TMOD3: variants seen among roughly 807,000 people sequenced by gnomAD.
The protein encoded by TMOD3 is tropomodulin-3.
A neutral mutation model predicts 39.2 loss-of-function variants in TMOD3; 20 were observed. The ratio of observed to expected loss-of-function variants is 0.51; its 90% CI spans 0.36 to 0.74. The LOEUF is 0.74. Among genes scored for constraint, TMOD3 ranks in the 30% least tolerant of loss-of-function variants. TMOD3 has a pLI of 0.00. For missense variants in TMOD3, 381 were observed against 412.8 expected, an observed-to-expected ratio of 0.92 and a Z score of 0.67; for synonymous variants, 143 against 145.8, an observed-to-expected ratio of 0.98 and a Z score of 0.14.
In TMOD3 at chr15:51,895,365, A is replaced by G. The variant is rs535488422; in HGVS notation, c.628-1054A>G. 5.3e-5 allele frequency among the ~76,000 whole-genome samples: 8 copies of G among 151,992 alleles called. No individual in the cohort carries two copies. In the South Asian group the frequency reaches 1.7e-3, roughly 32 times the overall value. ...CTCCTGAATACCTGGGATTACAGGC[A>G]TCCACCACCACACCTGGCTAATTTT... On this transcript the variant is annotated intron_variant, in intron 6 of 9. Coordinates refer to ENST00000308580, the MANE Select transcript of TMOD3 (RefSeq NM_014547.5).
At chr15:51,888,450 A>T (rs1336050005) in intron 4 of TMOD3, among the ~76,000 whole-genome samples, 1 of 152,246 alleles carries the variant, frequency 6.6e-6, no homozygotes, top group Non-Finnish European at 1.5e-5. Flanking sequence ...TAAACAGTAC[A>T]TTCACCAGAG....
chr15:51,874,489 TGAAA>T (rs751550038), intron 3 of TMOD3, among the ~76,000 whole-genome samples: 6 of 152,224 alleles, frequency 3.9e-5, no homozygotes, highest in East Asian at 1.9e-4. Flanking sequence ...AGCACAGGAG[TGAAA>T]GAGAGTATTC....
At chr15:51,861,247 A>G (rs191743616) in intron 1 of TMOD3, 30 of 407,804 alleles carry the variant, frequency 7.4e-5, no homozygotes, top group African/African-American at 5.4e-4. Context: ...AGCTGTTCCA[A>G]TTCAGGGAGC....
At chr15:51,891,078 G>A (rs1373619424) in intron 5 of TMOD3, among the ~76,000 whole-genome samples, 13 of 151,738 alleles carry the variant, frequency 8.6e-5, no homozygotes, top group Admixed American at 6.6e-4. Context: ...AAAAATTAAC[G>A]GTATTTTCTT....
chr15:51,885,674 T>C (rs557366809), intron 3 of TMOD3, among the ~76,000 whole-genome samples: 1 of 152,268 alleles, frequency 6.6e-6, no homozygotes, highest in South Asian at 2.1e-4. Context: ...AAATGGAGTC[T>C]CCTATGTCCA....
At chr15:51,845,682 A>T (rs956974730) in intron 1 of TMOD3, among the ~76,000 whole-genome samples, 1 of 152,138 alleles carries the variant, frequency 6.6e-6, no homozygotes, top group Non-Finnish European at 1.5e-5. Context: ...GCTTGAGCCC[A>T]GAAGGTCGAG....
At chr15:51,831,315 A>G (rs2056253803) in intron 1 of TMOD3, among the ~76,000 whole-genome samples, 2 of 152,244 alleles carry the variant, frequency 1.3e-5, no homozygotes, top group African/African-American at 4.8e-5. Flanking sequence ...GGTACAGGTC[A>G]AATCCCATTC....
intron 1 of TMOD3, 69 bp from the exon 2 acceptor site, chr15:51,862,742 C>T (rs895453079): frequency 1.1e-5 from 7 of 651,462 alleles, no homozygotes; most frequent in Non-Finnish European, 1.4e-5. Context: ...TTCACTTAAC[C>T]TGAGAATTAG....
chr15:51,905,950 CAAAAAAAAAAAAAAAA>C lies in TMOD3; in HGVS notation c.1025-2811_1025-2796del, dbSNP rs869172248. ...TGGGCAACAGAGCGAGACTCCGTCT[CAAAAAAAAAAAAAAAA>C]AAAAAAAAAAAAAAGAAATTGGACC... On this transcript the variant is annotated intron_variant, in intron 9 of 9. Transcript: ENST00000308580. 1.2e-3 allele frequency among the ~76,000 whole-genome samples: 75 copies of C among 64,750 alleles called. 1 individual carries two copies. The highest frequency in any genetic ancestry group is 5.7e-3 in the Admixed American group (26 of 4,540). The allele number at this position is 64,750 out of a possible 152,430, so 42.5% of individuals were successfully genotyped here.
chr15:51,875,888 G>T (rs1002619399), intron 3 of TMOD3, among the ~76,000 whole-genome samples: 2 of 152,070 alleles, frequency 1.3e-5, no homozygotes, highest in African/African-American at 4.8e-5. Flanking sequence ...AAAGTGCTGG[G>T]ATTACAGGTG....
intron 2 of TMOD3, among the ~76,000 whole-genome samples, chr15:51,868,763 G>A (rs2056460172): frequency 6.6e-6 from 1 of 152,190 alleles, no homozygotes; most frequent in African/African-American, 2.4e-5. Context: ...TCTGAAGTCA[G>A]GAATTCTAGA....
chr15:51,862,413 A>G (rs1355461329), intron 1 of TMOD3, among the ~76,000 whole-genome samples: 1 of 152,210 alleles, frequency 6.6e-6, no homozygotes, highest in Non-Finnish European at 1.5e-5. Context: ...TTGTTCTCCT[A>G]AACAATATAT....
At chr15:51,852,784 C>T (rs2056368978) in intron 1 of TMOD3, among the ~76,000 whole-genome samples, 1 of 152,186 alleles carries the variant, frequency 6.6e-6, no homozygotes. Context: ...AATGGCAGCC[C>T]AGTGGGGAAT....
rs1478758434 is a variant in TMOD3 at position 51,887,836 on chromosome 15, A to G, written c.406+125A>G. On this transcript the variant is annotated intron_variant, in intron 4 of 9. Coordinates refer to ENST00000308580, the MANE Select transcript of TMOD3 (RefSeq NM_014547.5). ...CAAGTACTGTTAAATCAGTAACCACATATTTGGCTTTATATTTTACACGGT... is the reference window on the plus strand; with the variant it reads ...CAAGTACTGTTAAATCAGTAACCACGTATTTGGCTTTATATTTTACACGGT... 17 of 1,225,662 alleles carry G rather than the reference A, an allele frequency of 1.4e-5. No homozygotes were observed. The East Asian group carries it at 3.6e-4, about 26-fold the overall frequency. The allele number at this position is 1,225,662 out of a possible 1,614,324, so 75.9% of individuals were successfully genotyped here. A position where few individuals can be genotyped will look rare whatever the true frequency, so the allele number is the denominator to read the frequency against.
At chr15:51,869,761 T>C (rs1490215877) in intron 3 of TMOD3, among the ~76,000 whole-genome samples, 1 of 152,224 alleles carries the variant, frequency 6.6e-6, no homozygotes, top group East Asian at 1.9e-4. Flanking sequence ...TGCCATATTT[T>C]CAAAGACCCT....
intron 5 of TMOD3, among the ~76,000 whole-genome samples, chr15:51,893,323 A>G (rs2056604089): frequency 3.0e-5 from 4 of 132,670 alleles, no homozygotes; most frequent in Admixed American, 1.5e-4. Flanking sequence ...AAAAAAAAAA[A>G]TTAAATAAAT....
chr15:51,899,365 CA>C (rs2056637540), intron 7 of TMOD3, among the ~76,000 whole-genome samples: 1 of 152,054 alleles, frequency 6.6e-6, no homozygotes, highest in East Asian at 1.9e-4. Flanking sequence ...TGACTGGGTA[CA>C]TATGAAAAAT....
Position 51,915,074 on chromosome 15 carries a change from A to G in TMOD3, c.*6264A>G, listed in dbSNP as rs547492421. ...GACAGACACCTCTTAGAATCTATAT[A>G]TATGAGGTTTTACTCCCTTTTCTAC... On this transcript the variant is annotated 3_prime_UTR_variant, in exon 10 of 10. Coordinates refer to ENST00000308580, the MANE Select transcript of TMOD3 (RefSeq NM_014547.5). 6.6e-6 allele frequency: 1 copy of G among 152,268 alleles called. No homozygotes were observed. The highest frequency in any genetic ancestry group is 2.1e-4 in the South Asian group (1 of 4,830). The allele number at this position is 152,268 out of a possible 1,614,324, so 9.4% of individuals were successfully genotyped here. A position where few individuals can be genotyped will look rare whatever the true frequency, so the allele number is the denominator to read the frequency against.
At chr15:51,847,873 T>C (rs551664160) in intron 1 of TMOD3, among the ~76,000 whole-genome samples, 1 of 152,364 alleles carries the variant, frequency 6.6e-6, no homozygotes, top group East Asian at 1.9e-4. Context: ...ACGGTTTGAA[T>C]GTCTGTACCT....
Sources: allele counts gnomAD v4.1 joint callset (sites outside exome capture counted in the v4.1 genomes callset), GRCh38; gene constraint gnomAD v4.1.1; transcripts MANE v1.5; gene names NCBI Gene and HGNC (gene_info 2026-07-23, HGNC 2026-07-21).